The following ARHGEF11 variants were observed in gnomAD, a reference collection of about 807,000 sequenced individuals.
The protein encoded by ARHGEF11 is Rho guanine exchange factor (GEF) 11.
ARHGEF11 carries 55 observed loss-of-function variants against 193.7 expected under a neutral mutation model. That is an observed-to-expected ratio of 0.28 (90% CI 0.23 to 0.36). The LOEUF (loss-of-function observed/expected upper bound fraction) is 0.36, where lower values mean the gene tolerates loss of function less well. ARHGEF11 is among the 10% of genes least tolerant of loss of function. The pLI is 1.00. For missense variants in ARHGEF11, 1,723 were observed against 2,005.6 expected (o/e 0.86, Z 2.69); for synonymous variants, 693 against 768.0 (o/e 0.90, Z 1.62).
rs191081242 is a variant in ARHGEF11 at position 156,979,312 on chromosome 1, G to A, written c.274-26C>T. 1.9e-5 allele frequency: 30 copies of A among 1,555,918 alleles called. No individual in the cohort carries two copies. In the East Asian group the frequency reaches 6.9e-4, roughly 36 times the overall value. ...CTGTTGGAGGGACAAACAGTATTGA[G>A]TAATGGTAATGAACAGCTAGGGGAT... is the stretch of plus-strand genomic sequence containing the variant. On this transcript the variant is annotated intron_variant, in intron 4 of 40. Coordinates refer to ENST00000368194, the MANE Select transcript of ARHGEF11 (RefSeq NM_198236.3).
chr1:157,032,296 C>T (rs1329207431), intron 1 of ARHGEF11, among the ~76,000 whole-genome samples: 1 of 152,180 alleles, frequency 6.6e-6, no homozygotes, highest in East Asian at 1.9e-4. Flanking sequence ...AGTAGAGCCA[C>T]TGACAAGTTT....
Position 157,020,351 on chromosome 1 carries a change from T to C in ARHGEF11, c.32+23948A>G, listed in dbSNP as rs537846515. On this transcript the variant is annotated intron_variant, in intron 1 of 40. Transcript: ENST00000368194. ...AAAACAGCATTAAGAAAAAAAATTATTCTGGGTCCATATTAGAAACTAAAC... is the reference window on the plus strand; with the variant it reads ...AAAACAGCATTAAGAAAAAAAATTACTCTGGGTCCATATTAGAAACTAAAC... Among the ~76,000 whole-genome samples the C allele has an allele frequency of 5.9e-5, 9 of 152,274 alleles. No homozygotes were observed. The South Asian group carries it at 1.9e-3, about 32-fold the overall frequency.
Position 157,043,975 on chromosome 1 carries a change from C to T in ARHGEF11, c.32+324G>A, listed in dbSNP as rs879360621. Among the ~76,000 whole-genome samples, 568 of 152,240 alleles carry T rather than the reference C, an allele frequency of 3.7e-3. 3 individuals are homozygous for T. The highest frequency in any genetic ancestry group is 6.6e-3 in the Non-Finnish European group (452 of 67,972). On this transcript the variant is annotated intron_variant, in intron 1 of 40. Coordinates refer to ENST00000368194, the MANE Select transcript of ARHGEF11 (RefSeq NM_198236.3). ...CCTAGGAGCTCACAAGACTGGCTTG[C>T]CCCCACCTGAGACTAGCAAGTTGGG... is the stretch of plus-strand genomic sequence containing the variant.
rs1191860112 is a variant in ARHGEF11, at chr1:156,940,259, G to C, written c.3681C>G (p.Ala1227=). 1 of 1,611,106 alleles carries C rather than the reference G, an allele frequency of 6.2e-7. No homozygotes were observed. Among genetic ancestry groups the C allele is most frequent in the Admixed American group, 1.7e-5 (1 of 59,896 alleles). Residue 1227 remains alanine, a synonymous_variant, in exon 36 of 41, where the codon GCC becomes GCG. Coordinates refer to ENST00000368194, the MANE Select transcript of ARHGEF11 (RefSeq NM_198236.3). ...CTTCCATGAACAGAGGGCCTGGGAA[G>C]GCCAAGTGGATGGGGTTCCTTGTCC... The part of the protein sequence containing the change: ...GIRTRNPIHL[A]FPGPLFMEGL...
At chr1:156,956,055 T>C (rs558092088) in intron 19 of ARHGEF11, among the ~76,000 whole-genome samples, 1 of 152,330 alleles carries the variant, frequency 6.6e-6, no homozygotes, top group East Asian at 1.9e-4. Context: ...ACGGCTTTCC[T>C]GACCTACCTC....
chr1:157,029,145 C>T (rs1367442627), intron 1 of ARHGEF11, among the ~76,000 whole-genome samples: 1 of 123,980 alleles, frequency 8.1e-6, no homozygotes, highest in African/African-American at 3.1e-5. Context: ...CCAGCCTAGG[C>T]AACTGAAGTG....
At chr1:156,973,297 C>T (rs931061534) in intron 7 of ARHGEF11, among the ~76,000 whole-genome samples, 3 of 152,176 alleles carry the variant, frequency 2.0e-5, no homozygotes, top group Admixed American at 2.0e-4. Flanking sequence ...AGTTGCTCAT[C>T]AACATATACA....
At chr1:157,003,829 C>T (rs755008711) in intron 1 of ARHGEF11, among the ~76,000 whole-genome samples, 82 of 152,206 alleles carry the variant, frequency 5.4e-4, no homozygotes, top group Non-Finnish European at 9.7e-4. Context: ...CTTAACCCCA[C>T]GTTCCCTTAG....
At chr1:156,995,918 C>T (rs1232497098) in intron 1 of ARHGEF11, among the ~76,000 whole-genome samples, 1 of 152,074 alleles carries the variant, frequency 6.6e-6, no homozygotes, top group Non-Finnish European at 1.5e-5. Flanking sequence ...CTCATGCATA[C>T]TTGTCCAGAA....
intron 1 of ARHGEF11, among the ~76,000 whole-genome samples, chr1:157,017,329 T>A (rs982095480): frequency 2.6e-5 from 4 of 152,158 alleles, no homozygotes; most frequent in African/African-American, 9.7e-5. Flanking sequence ...CTTGTTAAAT[T>A]ATAATTATTT....
chr1:156,973,307 A>G (rs886954056), intron 7 of ARHGEF11, among the ~76,000 whole-genome samples: 1 of 152,224 alleles, frequency 6.6e-6, no homozygotes, highest in African/African-American at 2.4e-5. Context: ...CAACATATAC[A>G]ATCTAGTTTC....
intron 1 of ARHGEF11, among the ~76,000 whole-genome samples, chr1:157,019,472 AT>A (rs1372352217): frequency 6.6e-6 from 1 of 152,232 alleles, no homozygotes; most frequent in Non-Finnish European, 1.5e-5. Context: ...TTGAGAAACA[AT>A]TTGGAAATTT....
intron 20 of ARHGEF11, 79 bp from the exon 21 acceptor site, chr1:156,955,000 T>G: frequency 2.3e-6 from 3 of 1,315,724 alleles, no homozygotes; most frequent in South Asian, 1.3e-5. Flanking sequence ...AAAAATTACA[T>G]CAAGCCAAAA....
At chr1:157,040,790 TAG>T (rs1297024193) in intron 1 of ARHGEF11, among the ~76,000 whole-genome samples, 1 of 152,254 alleles carries the variant, frequency 6.6e-6, no homozygotes, top group Non-Finnish European at 1.5e-5. Context: ...ATAATTTATA[TAG>T]AGTTTACAGT....
chr1:156,980,387 C>T (rs1182824362), intron 4 of ARHGEF11, 50 bp downstream of exon 4: 1 of 1,578,504 alleles, frequency 6.3e-7, no homozygotes, highest in East Asian at 2.3e-5. Context: ...GAGTGCCCTG[C>T]ACATCTATTT....
At chr1:156,970,812 C>T (rs1662387643) in intron 8 of ARHGEF11, among the ~76,000 whole-genome samples, 1 of 152,170 alleles carries the variant, frequency 6.6e-6, no homozygotes, top group African/African-American at 2.4e-5. Context: ...GTTAAGGCTC[C>T]TATGGATTAA....
At chr1:157,033,756 G>A (rs1671579148) in intron 1 of ARHGEF11, among the ~76,000 whole-genome samples, 1 of 152,156 alleles carries the variant, frequency 6.6e-6, no homozygotes, top group Non-Finnish European at 1.5e-5. Flanking sequence ...TTTCTTGCTT[G>A]AGGCTTCTGT....
At chr1:156,980,828 T>C (rs1289517348) in intron 3 of ARHGEF11, among the ~76,000 whole-genome samples, 1 of 38,594 alleles carries the variant, frequency 2.6e-5, no homozygotes, top group Admixed American at 3.2e-4. Context: ...AAATCAGTTA[T>C]ATTCCGGGGG....
In ARHGEF11 at chr1:156,963,254, G is replaced by C; in HGVS notation, c.1089C>G (p.His363Gln). The C allele has an allele frequency of 6.2e-7, 1 of 1,614,200 alleles. No individual in the cohort carries two copies. Among genetic ancestry groups the C allele is most frequent in the Non-Finnish European group, 8.5e-7 (1 of 1,180,040 alleles). ...AGATGTAACGTAGAAAAACCCCCAG[G>C]TGAGCTGGCCGAGACTTCAGTTTCT... is the stretch of plus-strand genomic sequence containing the variant. Reference protein sequence around the residue: ...DLEKLKSRPAHLGVFLRYIFS... With the variant: ...DLEKLKSRPAQLGVFLRYIFS... Residue 363 changes from histidine to glutamine, a missense_variant, in exon 13 of 41, where the codon CAC becomes CAG. His to Gln is a conservative substitution (Grantham distance 24, BLOSUM62 0). Coordinates refer to ENST00000368194, the MANE Select transcript of ARHGEF11 (RefSeq NM_198236.3).
Sources: allele counts gnomAD v4.1 joint callset (sites outside exome capture counted in the v4.1 genomes callset), GRCh38; gene constraint gnomAD v4.1.1; transcripts MANE v1.5; gene names NCBI Gene and HGNC (gene_info 2026-07-23, HGNC 2026-07-21).